Variants in SSB observed in about 807,000 individuals in gnomAD.
SSB encodes small RNA binding exonuclease protection factor La, also known as lupus La protein.
Under a neutral mutation model 52.9 loss-of-function variants are expected in SSB, and 17 were observed. That is an observed-to-expected ratio of 0.32 (90% confidence interval 0.22 to 0.48). The LOEUF is 0.48. SSB is among the 20% of genes least tolerant of loss of function. SSB has a pLI of 0.99. For missense variants in SSB, 314 were observed against 463.6 expected, an observed-to-expected ratio of 0.68 and a Z score of 2.96; for synonymous variants, 111 against 152.1, an observed-to-expected ratio of 0.73 and a Z score of 1.99.
chr2:169,807,130 T>A, intron 6 of SSB, 59 bp downstream of exon 6: 1 of 1,413,530 alleles, frequency 7.1e-7, no homozygotes. Context: ...CACACTAGGG[T>A]AAGGAGCATG....
Position 169,811,766 on chromosome 2 carries a change from C to T in SSB, c.*10C>T. On this transcript the variant is annotated 3_prime_UTR_variant, in exon 12 of 12. Coordinates refer to ENST00000260956, the MANE Select transcript of SSB (RefSeq NM_003142.5). ...TGCTGGAGACCAGTAGTTTAGTAAA[C>T]CAATTTTTTATTCATTTTAAATAGG... 6.2e-7 allele frequency: 1 copy of T among 1,612,908 alleles called. No individual in the cohort carries two copies. Among genetic ancestry groups the T allele is most frequent in the Non-Finnish European group, 8.5e-7 (1 of 1,179,644 alleles).
intron 3 of SSB, 31 bp from the exon 4 acceptor site, chr2:169,805,634 T>C: frequency 1.2e-6 from 2 of 1,612,442 alleles, no homozygotes; most frequent in Non-Finnish European, 1.7e-6. Flanking sequence ...GTGCTACTGC[T>C]GAGTCTTATG....
chr2:169,810,347 G>C lies in SSB; in HGVS notation c.734G>C (p.Cys245Ser). ...KFSGDLDDQTCREDLHILFSN... is the reference protein window; with the variant it reads ...KFSGDLDDQTSREDLHILFSN... Reference sequence around the variant, plus strand: ...TCGGGTGATTTAGATGATCAGACCTGTAGAGAAGATTTACACATACTTTTC... The same window carrying C: ...TCGGGTGATTTAGATGATCAGACCTCTAGAGAAGATTTACACATACTTTTC... The change falls in exon 9 of 12, where the codon TGT (cysteine) becomes TCT (serine). Residue 245 changes from cysteine (C) to serine (S), a missense_variant. By Grantham distance (112) the Cys-to-Ser change is moderately radical. Transcript: ENST00000260956. 6.2e-7 allele frequency: 1 copy of C among 1,610,140 alleles called. No homozygotes were observed. Among genetic ancestry groups the C allele is most frequent in the Admixed American group, 1.7e-5 (1 of 59,658 alleles).
At position 169,810,490 on chromosome 2, in the gene SSB, G is replaced by A. The variant is rs961437762; in HGVS notation, c.810+67G>A. 6.4e-6 allele frequency: 9 copies of A among 1,401,066 alleles called. No homozygotes were observed. In the East Asian group the frequency reaches 2.2e-4, roughly 34 times the overall value. The allele number at this position is 1,401,066 out of a possible 1,614,324, so 86.8% of individuals were successfully genotyped here. A position where few individuals can be genotyped will look rare whatever the true frequency, so the allele number is the denominator to read the frequency against. On this transcript the variant is annotated intron_variant, in intron 9 of 11. Coordinates refer to ENST00000260956, the MANE Select transcript of SSB (RefSeq NM_003142.5). The stretch of plus-strand genomic sequence containing the variant: ...ATCTGTAGAAACTTAGACAAAATTA[G>A]TAGAAAGTAATTTTAAAAATTGTGT...
intron 1 of SSB, among the ~76,000 whole-genome samples, chr2:169,800,346 C>T (rs1192217270): frequency 5.9e-5 from 9 of 152,022 alleles, no homozygotes; most frequent in African/African-American, 2.2e-4. Context: ...GTCTGACCAA[C>T]ATGGTGAAAC....
At position 169,801,053 on chromosome 2, in the gene SSB, A is replaced by G. The variant is rs767286653; in HGVS notation, c.66+27A>G. On this transcript the variant is annotated intron_variant, in intron 2 of 11. Coordinates refer to ENST00000260956, the MANE Select transcript of SSB (RefSeq NM_003142.5). Reference sequence around the variant, plus strand: ...TATGATTCCTGTGCTATAAACTGCAAAAACAAGTTCCTTGAAAGAAAATAC... The same window carrying G: ...TATGATTCCTGTGCTATAAACTGCAGAAACAAGTTCCTTGAAAGAAAATAC... 3.9e-6 allele frequency: 6 copies of G among 1,537,116 alleles called. No homozygotes were observed. The South Asian group carries it at 7.5e-5, about 19-fold the overall frequency.
chr2:169,808,042 T>C (rs1015380990), intron 6 of SSB, among the ~76,000 whole-genome samples: 1 of 152,186 alleles, frequency 6.6e-6, no homozygotes, highest in African/African-American at 2.4e-5. Context: ...ATTTTAGAAT[T>C]TTCTCCTTTT....
At chr2:169,801,112 T>G (rs764959851) in intron 2 of SSB, 86 bp downstream of exon 2, 2 of 1,122,556 alleles carry the variant, frequency 1.8e-6, no homozygotes, top group South Asian at 3.3e-5. Flanking sequence ...CATGGACATA[T>G]TCAACATTTG....
At position 169,811,277 on chromosome 2, in the gene SSB, T is replaced by A; in HGVS notation, c.1092T>A (p.Phe364Leu). The A allele has an allele frequency of 6.2e-7, 1 of 1,609,990 alleles. No homozygotes were observed. The highest frequency in any genetic ancestry group is 8.5e-7 in the Non-Finnish European group (1 of 1,179,134). Residue 364 changes from phenylalanine to leucine, a missense_variant, in exon 11 of 12, where the codon TTT becomes TTA. Coordinates refer to ENST00000260956, the MANE Select transcript of SSB (RefSeq NM_003142.5). ...KVQFQGKKTK[F>L]ASDDEHDEHD... Reference sequence around the variant, plus strand: ...AGTTTCAGGGCAAGAAAACGAAATTTGCTAGTGATGATGAACATGATGAAC... The same window carrying A: ...AGTTTCAGGGCAAGAAAACGAAATTAGCTAGTGATGATGAACATGATGAAC...
intron 4 of SSB, 49 bp from the exon 5 acceptor site, chr2:169,806,736 C>A: frequency 2.1e-6 from 3 of 1,408,922 alleles, no homozygotes; most frequent in South Asian, 1.2e-5. Context: ...AATTGTTTAT[C>A]TGAGAAGTCA....
At chr2:169,807,286 TTTTC>T (rs1002683764) in intron 6 of SSB, among the ~76,000 whole-genome samples, 28 of 152,186 alleles carry the variant, frequency 1.8e-4, no homozygotes, top group Middle Eastern at 3.4e-3. Flanking sequence ...AACAATTTTT[TTTTC>T]TTTTTCTTTT....
At chr2:169,809,082 T>C (rs1689890046) in intron 8 of SSB, 180 bp downstream of exon 8, 1 of 641,658 alleles carries the variant, frequency 1.6e-6, no homozygotes, top group Non-Finnish European at 2.9e-6. Context: ...AGGAAATATG[T>C]TCTAAAATAT....
At chr2:169,808,043 T>TA (rs970884662) in intron 6 of SSB, among the ~76,000 whole-genome samples, 13 of 152,306 alleles carry the variant, frequency 8.5e-5, no homozygotes, top group Non-Finnish European at 2.9e-5. Context: ...TTTTAGAATT[T>TA]TCTCCTTTTG....
At position 169,804,735 on chromosome 2, in the gene SSB, G is replaced by A. The variant is rs376280341; in HGVS notation, c.67-739G>A. On this transcript the variant is annotated intron_variant, in intron 2 of 11. Coordinates refer to ENST00000260956, the MANE Select transcript of SSB (RefSeq NM_003142.5). ...TAATTTTTGTATTTTTAGTAGAGAC[G>A]GGGTTTGACCATGTCGGCCAGGGTG... Among the ~76,000 whole-genome samples the A allele has an allele frequency of 2.4e-4, 36 of 152,140 alleles. No homozygotes were observed. The South Asian group carries it at 7.3e-3, about 31-fold the overall frequency.
At chr2:169,808,730 G>A (rs371459367) in intron 7 of SSB, 130 bp from the exon 8 acceptor site, 2 of 1,015,340 alleles carry the variant, frequency 2.0e-6, no homozygotes, top group East Asian at 2.6e-5. Context: ...AGCATTGGAC[G>A]ATCAAAAAAA....
At chr2:169,806,725 C>T in intron 4 of SSB, 60 bp from the exon 5 acceptor site, 1 of 1,323,036 alleles carries the variant, frequency 7.6e-7, no homozygotes, top group East Asian at 2.3e-5. Context: ...AAATTCTCTC[C>T]AATTGTTTAT....
In SSB at chr2:169,808,878, A is replaced by G; in HGVS notation, c.645A>G (p.Gln215=). 2.5e-6 allele frequency: 4 copies of G among 1,597,392 alleles called. No homozygotes were observed. Among genetic ancestry groups the G allele is most frequent in the South Asian group, 1.1e-5 (1 of 90,602 alleles). ...TTTGTAGGGAGCAAGAAGCAAAACAAAAGTTAGAAGAAGATGCTGAAATGG... is the reference window on the plus strand; with the variant it reads ...TTTGTAGGGAGCAAGAAGCAAAACAGAAGTTAGAAGAAGATGCTGAAATGG... ...LRAKQEQEAK[Q]KLEEDAEMKS... The change falls in exon 8 of 12, where the codon CAA becomes CAG. Residue 215 remains glutamine, a synonymous_variant. Coordinates refer to ENST00000260956, the MANE Select transcript of SSB (RefSeq NM_003142.5).
rs538841297 is a variant in SSB, at chr2:169,811,330, T to G, written c.1138+7T>G. On this transcript the variant is annotated splice_region_variant and intron_variant, in intron 11 of 11. Transcript: ENST00000260956. ...GATGAAAATGGTGCAACTGGTAAGT[T>G]TTTTTTAAGTCCTTTGGTAGTTTCA... 6.4e-7 allele frequency: 1 copy of G among 1,563,086 alleles called. No homozygotes were observed. Among genetic ancestry groups the G allele is most frequent in the African/African-American group, 1.4e-5 (1 of 71,642 alleles).
rs1689873862 is a variant in SSB, at chr2:169,808,451, G to C, written c.555-31G>C. Reference sequence around the variant, plus strand: ...TCTGCAGTCTTAACTTTGTTCTCGTGAACTTAGCCTCTGTACTGTGTGTTC... The same window carrying C: ...TCTGCAGTCTTAACTTTGTTCTCGTCAACTTAGCCTCTGTACTGTGTGTTC... On this transcript the variant is annotated intron_variant, in intron 6 of 11. Coordinates refer to ENST00000260956, the MANE Select transcript of SSB (RefSeq NM_003142.5). 2.5e-6 allele frequency: 4 copies of C among 1,575,420 alleles called. No individual in the cohort carries two copies. The East Asian group carries it at 9.0e-5, about 35-fold the overall frequency.
Sources: gnomAD v4.1 joint callset for allele counts (sites outside exome capture counted in the v4.1 genomes callset) on GRCh38, gnomAD v4.1.1 for gene constraint, MANE v1.5 for transcripts, NCBI Gene and HGNC (gene_info 2026-07-23, HGNC 2026-07-21) for gene names.